The following ZNF469 variants were observed in gnomAD, a reference collection of about 807,000 sequenced individuals.
ZNF469 encodes the protein zinc finger protein 469.
ZNF469 carries 1 observed loss-of-function variant against 1.0 expected under a neutral mutation model. The ratio of observed to expected loss-of-function variants is 1.00; its 90% confidence interval spans 0.35 to 4.73. The LOEUF (loss-of-function observed/expected upper bound fraction) is 4.73, where lower values mean the gene tolerates loss of function less well. ZNF469 is among the 30% of genes most tolerant of loss of function. ZNF469 has a pLI of 0.16. For synonymous variants in ZNF469, 2,703 were observed against 2,363.4 expected, an observed-to-expected ratio of 1.14 and a Z score of -4.17; for missense variants, 6,100 against 5,356.3, an observed-to-expected ratio of 1.14 and a Z score of -4.33.
the ZNF469 span, among the ~76,000 whole-genome samples, chr16:88,126,290 TTTA>T: frequency 6.7e-6 from 1 of 149,860 alleles, no homozygotes; most frequent in Non-Finnish European, 1.5e-5. Flanking sequence ...CTGCATGCTT[TTTA>T]TTGTTTGTTT....
At chr16:88,254,380 A>G in the ZNF469 span, among the ~76,000 whole-genome samples, 2 of 152,196 alleles carry the variant, frequency 1.3e-5, no homozygotes, top group Non-Finnish European at 2.9e-5. Flanking sequence ...ATACACCAAT[A>G]TAATACTTTG....
At chr16:88,254,749 ACT>A in the ZNF469 span, among the ~76,000 whole-genome samples, 2 of 151,838 alleles carry the variant, frequency 1.3e-5, no homozygotes, top group Non-Finnish European at 2.9e-5. Context: ...CAAGAGTGAA[ACT>A]CTGTCTCAAT....
the ZNF469 span, among the ~76,000 whole-genome samples, chr16:88,154,699 G>A: frequency 6.6e-6 from 1 of 152,238 alleles, no homozygotes; most frequent in South Asian, 2.1e-4. Context: ...GCTGCATGGG[G>A]CGGATTCTGT....
rs1567518296 is a variant in ZNF469, at chr16:88,439,437, C to T, written c.*105C>T. On this transcript the variant is annotated 3_prime_UTR_variant, in exon 3 of 3. Transcript: ENST00000565624. ...GATGGTCCACTCTGTGGCCACTTGACTTCTTGTGCAACTGCTCAGGCCTTG... is the reference window on the plus strand; with the variant it reads ...GATGGTCCACTCTGTGGCCACTTGATTTCTTGTGCAACTGCTCAGGCCTTG... The T allele has an allele frequency of 7.8e-7, 1 of 1,286,364 alleles. No homozygotes were observed. 79.7% of individuals were successfully genotyped at this position (1,286,364 alleles called of 1,614,324 possible). A position where few individuals can be genotyped will look rare whatever the true frequency, so the allele number is the denominator to read the frequency against.
At chr16:88,135,951 G>C in the ZNF469 span, among the ~76,000 whole-genome samples, 5 of 151,976 alleles carry the variant, frequency 3.3e-5, no homozygotes, top group East Asian at 9.7e-4. Context: ...AGTAGAGACG[G>C]GGTTTCACTG....
the ZNF469 span, among the ~76,000 whole-genome samples, chr16:88,359,473 G>A: frequency 1.3e-5 from 2 of 152,216 alleles, no homozygotes; most frequent in African/African-American, 4.8e-5. Context: ...TTTCATTTGA[G>A]TCATTTGGTT....
intron 2 of ZNF469, among the ~76,000 whole-genome samples, chr16:88,425,898 G>T (rs1255485487): frequency 1.3e-5 from 2 of 152,188 alleles, no homozygotes; most frequent in Admixed American, 1.3e-4. Context: ...TGCAGGCTGG[G>T]ACCTCGCCCA....
At position 88,438,412 on chromosome 16, in the gene ZNF469, AAGG is replaced by A. The variant is rs1313175262; in HGVS notation, c.10946_10948del (p.Glu3649del). ...GGAAGACCACCTACTTCAGAAAGAG[AAGG>A]AGGTGTCCTCAAGCCACATGGTGTC... On this transcript the variant is annotated inframe_deletion, in exon 3 of 3. Coordinates refer to ENST00000565624, the MANE Select transcript of ZNF469 (RefSeq NM_001367624.2). The A allele has an allele frequency of 5.8e-6, 9 of 1,549,962 alleles. No individual in the cohort carries two copies. Among genetic ancestry groups the A allele is most frequent in the East Asian group, 2.4e-5 (1 of 40,900 alleles).
the ZNF469 span, among the ~76,000 whole-genome samples, chr16:88,220,356 G>A: frequency 1.1e-4 from 17 of 152,336 alleles, no homozygotes; most frequent in East Asian, 7.7e-4. Context: ...TTTGTAAATG[G>A]AGGAAGTCAT....
chr16:88,187,045 C>T, the ZNF469 span, among the ~76,000 whole-genome samples: 2 of 152,154 alleles, frequency 1.3e-5, no homozygotes, highest in East Asian at 3.9e-4. Context: ...GGCTGGGAGG[C>T]CCCGGGGTAT....
chr16:88,151,192 G>A, the ZNF469 span, among the ~76,000 whole-genome samples: 6 of 152,168 alleles, frequency 3.9e-5, no homozygotes, highest in Admixed American at 1.3e-4. This position sits in a 1 kb window ranked among gnomAD's most constrained non-coding sequence, Gnocchi z 5.4. Context: ...GAACCCTCAG[G>A]GGCCGCCTGG....
At chr16:88,174,938 CCGTGTG>C in the ZNF469 span, among the ~76,000 whole-genome samples, 1 of 80,618 alleles carries the variant, frequency 1.2e-5, no homozygotes, top group African/African-American at 3.1e-5. Context: ...CTAGGGTCAA[CCGTGTG>C]TGTGTGTGTG....
the ZNF469 span, among the ~76,000 whole-genome samples, chr16:88,351,326 T>G: frequency 6.6e-6 from 1 of 151,972 alleles, no homozygotes; most frequent in Non-Finnish European, 1.5e-5. Flanking sequence ...ATGCTGGGAG[T>G]TTCTGAGACC....
chr16:88,396,576 C>T (rs923216159), intron 1 of ZNF469, among the ~76,000 whole-genome samples: 2 of 149,678 alleles, frequency 1.3e-5, no homozygotes, highest in Non-Finnish European at 3.0e-5. Flanking sequence ...CAGATGGAGA[C>T]CCTCCTGAAG....
At chr16:88,270,788 G>A in the ZNF469 span, among the ~76,000 whole-genome samples, 6 of 152,366 alleles carry the variant, frequency 3.9e-5, no homozygotes, top group African/African-American at 1.4e-4. Flanking sequence ...TCTGTGTGGT[G>A]TTCAAGGCTT....
the ZNF469 span, among the ~76,000 whole-genome samples, chr16:88,218,743 A>T: frequency 6.6e-6 from 1 of 151,982 alleles, no homozygotes; most frequent in African/African-American, 2.4e-5. Context: ...CTCCTATTCC[A>T]CATAGTGTTG....
intron 1 of ZNF469, among the ~76,000 whole-genome samples, chr16:88,386,787 G>A (rs66920851): frequency 0.26 from 40,239 of 152,082 alleles, 6,012 homozygotes; most frequent in African/African-American, 0.4. Context: ...GCTACATGCT[G>A]GGGGCTGGAC....
At chr16:88,376,896 C>T in the ZNF469 span, among the ~76,000 whole-genome samples, 1 of 152,176 alleles carries the variant, frequency 6.6e-6, no homozygotes, top group Non-Finnish European at 1.5e-5. Flanking sequence ...AGACGCCAGG[C>T]CTCCTCCCAG....
chr16:88,329,974 G>C, the ZNF469 span, among the ~76,000 whole-genome samples: 1 of 152,252 alleles, frequency 6.6e-6, no homozygotes, highest in African/African-American at 2.4e-5. Context: ...TCTGGGCACA[G>C]GGTGCCTGGG....
Sources: allele counts gnomAD v4.1 joint callset (sites outside exome capture counted in the v4.1 genomes callset), GRCh38; gene constraint gnomAD v4.1.1; non-coding constraint Gnocchi (gnomAD v3.1); transcripts MANE v1.5; gene names NCBI Gene and HGNC (gene_info 2026-07-23, HGNC 2026-07-21).